The following PLEKHH2 variants were observed in gnomAD, a reference collection of about 807,000 sequenced individuals.
PLEKHH2 encodes the protein pleckstrin homology, MyTH4 and FERM domain containing H2.
Under a neutral mutation model 187.9 loss-of-function variants are expected in PLEKHH2, and 129 were observed. That is an observed-to-expected ratio of 0.69 (90% CI 0.59 to 0.79). The LOEUF (loss-of-function observed/expected upper bound fraction) is 0.79, where lower values mean the gene tolerates loss of function less well. Among genes scored for constraint, PLEKHH2 ranks in the 30% least tolerant of loss-of-function variants. The pLI, the probability that PLEKHH2 is intolerant of heterozygous loss-of-function variation, is 0.00. For synonymous variants in PLEKHH2, 686 were observed against 605.6 expected, an observed-to-expected ratio of 1.13 and a Z score of -1.95; for missense variants, 2,076 against 1,751.2, an observed-to-expected ratio of 1.19 and a Z score of -3.31.
At chr2:43,638,734 A>G (rs996545498) in intron 1 of PLEKHH2, among the ~76,000 whole-genome samples, 2 of 152,190 alleles carry the variant, frequency 1.3e-5, no homozygotes, top group African/African-American at 4.8e-5. Flanking sequence ...TGGTAATGAA[A>G]AGGATGGCGG....
At chr2:43,693,441 A>G (rs1668921192) in intron 4 of PLEKHH2, among the ~76,000 whole-genome samples, 1 of 152,200 alleles carries the variant, frequency 6.6e-6, no homozygotes, top group Admixed American at 6.5e-5. Flanking sequence ...CAAGTAATCT[A>G]GTTTAAAAAA....
Position 43,743,821 on chromosome 2 carries a change from T to C in PLEKHH2, c.3400-13T>C. On this transcript the variant is annotated splice_polypyrimidine_tract_variant and intron_variant, in intron 22 of 29. Coordinates refer to ENST00000282406, the MANE Select transcript of PLEKHH2 (RefSeq NM_172069.4). ...TTTCTTATTAAGAGAACTGCTTTGTTATTTCTGTCTAGGTAGTTGGTTTTG... is the reference window on the plus strand; with the variant it reads ...TTTCTTATTAAGAGAACTGCTTTGTCATTTCTGTCTAGGTAGTTGGTTTTG... 6.2e-7 allele frequency: 1 copy of C among 1,606,274 alleles called. No homozygotes were observed. The highest frequency in any genetic ancestry group is 8.5e-7 in the Non-Finnish European group (1 of 1,173,978).
chr2:43,679,657 G>C lies in PLEKHH2; in HGVS notation c.186+732G>C, dbSNP rs563300619. 2.2e-5 allele frequency: 5 copies of C among 223,708 alleles called. No individual in the cohort carries two copies. In the South Asian group the frequency reaches 2.3e-4, roughly 11 times the overall value. 13.9% of individuals were successfully genotyped at this position (223,708 alleles called of 1,614,324 possible). On this transcript the variant is annotated intron_variant, in intron 3 of 29. Transcript: ENST00000282406. ...ATTACAGGTGCGCACCACCATACCC[G>C]GCTAATTTTTATATTGTTAGTAGAG...
chr2:43,659,155 AT>A (rs997122089), intron 2 of PLEKHH2, among the ~76,000 whole-genome samples: 4 of 142,796 alleles, frequency 2.8e-5, no homozygotes, highest in African/African-American at 1.1e-4. Flanking sequence ...GTATATATAT[AT>A]TTTTTTCTTT....
intron 5 of PLEKHH2, among the ~76,000 whole-genome samples, chr2:43,694,848 C>A (rs1470750337): frequency 6.6e-6 from 1 of 152,106 alleles, no homozygotes; most frequent in Non-Finnish European, 1.5e-5. Context: ...GTTTTCATTT[C>A]TATGGCAGTT....
chr2:43,715,585 AG>A (rs1041340594), intron 15 of PLEKHH2, among the ~76,000 whole-genome samples: 2 of 152,214 alleles, frequency 1.3e-5, no homozygotes, highest in Admixed American at 1.3e-4. Flanking sequence ...AAGGGGTTAC[AG>A]GAAAAGAGAG....
rs564045286 is a variant in PLEKHH2 at position 43,738,642 on chromosome 2, T to C, written c.3123+122T>C. ...CAAAAAGTGCAGAAGGAAAAATAGG[T>C]ATTAATATTTTGATGTCTACCTTTT... On this transcript the variant is annotated intron_variant, in intron 20 of 29. Coordinates refer to ENST00000282406, the MANE Select transcript of PLEKHH2 (RefSeq NM_172069.4). 8.6e-6 allele frequency: 8 copies of C among 930,412 alleles called. No individual in the cohort carries two copies. The Admixed American group carries it at 2.1e-4, about 25-fold the overall frequency. 57.6% of individuals were successfully genotyped at this position (930,412 alleles called of 1,614,324 possible).
chr2:43,764,183 G>T, intron 28 of PLEKHH2, 45 bp from the exon 29 acceptor site: 3 of 1,158,488 alleles, frequency 2.6e-6, no homozygotes, highest in South Asian at 2.9e-5. Context: ...ATCTCTCCTT[G>T]GAAGTAAGAG....
chr2:43,726,174 T>A, intron 16 of PLEKHH2, 98 bp from the exon 17 acceptor site: 2 of 804,638 alleles, frequency 2.5e-6, no homozygotes, highest in Non-Finnish European at 3.7e-6. Flanking sequence ...TTTTTAAAGG[T>A]ATGCTTTATA....
rs1553353583 is a variant in PLEKHH2, at chr2:43,753,605, C to CG, written c.3654-14_3654-13insG. On this transcript the variant is annotated splice_polypyrimidine_tract_variant and intron_variant, in intron 24 of 29. Transcript: ENST00000282406. ...AATATAATTTAATGAGAAATTTACT[C>CG]TTTTTTTTTACAGACTATATTTCTC... The CG allele has an allele frequency of 4.6e-6, 6 of 1,309,176 alleles. No homozygotes were observed. The African/African-American group carries it at 7.7e-5, about 17-fold the overall frequency. The allele number at this position is 1,309,176 out of a possible 1,614,324, so 81.1% of individuals were successfully genotyped here.
intron 2 of PLEKHH2, among the ~76,000 whole-genome samples, chr2:43,645,705 C>T (rs1398938067): frequency 6.6e-6 from 1 of 151,506 alleles, no homozygotes; most frequent in African/African-American, 2.4e-5. Context: ...TTAATTTTAC[C>T]CACTTCTTTT....
rs1335559126 is a variant in PLEKHH2, at chr2:43,710,246, A to T, written c.2130A>T (p.Leu710Phe). The T allele has an allele frequency of 1.2e-6, 2 of 1,614,162 alleles. No individual in the cohort carries two copies. The highest frequency in any genetic ancestry group is 1.7e-5 in the Admixed American group (1 of 60,018). Residue 710 changes from leucine (L) to phenylalanine (F), a missense_variant, in exon 13 of 30, where the codon TTA (leucine) becomes TTT (phenylalanine). Leu to Phe is a conservative substitution (Grantham distance 22). Coordinates refer to ENST00000282406, the MANE Select transcript of PLEKHH2 (RefSeq NM_172069.4). ...AACCACTGGAAAAATCTGGTTATTT[A>T]TTAAAAATGAGTGGTAAAGTCAAGT... ...KNEPLEKSGYLLKMSGKVKSW... is the reference protein window; with the variant it reads ...KNEPLEKSGYFLKMSGKVKSW...
chr2:43,675,831 G>A, intron 2 of PLEKHH2: 4 of 1,613,982 alleles, frequency 2.5e-6, no homozygotes, highest in Non-Finnish European at 3.4e-6. Context: ...CCAGATAGAA[G>A]GGCTGGGATG....
At chr2:43,693,627 C>T (rs111339772) in intron 4 of PLEKHH2, among the ~76,000 whole-genome samples, 5 of 147,066 alleles carry the variant, frequency 3.4e-5, no homozygotes, top group East Asian at 2.0e-4. Context: ...GGGAGGCTGA[C>T]GCAGGAGAGC....
chr2:43,758,910 C>A lies in PLEKHH2; in HGVS notation c.3952C>A (p.Gln1318Lys). The change falls in exon 27 of 30, where the codon CAG becomes AAG. Residue 1318 changes from glutamine to lysine, a missense_variant. Coordinates refer to ENST00000282406, the MANE Select transcript of PLEKHH2 (RefSeq NM_172069.4). ...TTTCTTTTTTTTTAGGCAGCTTTGCCAGCGACTTTCAACCAGATGGATGGC... is the reference window on the plus strand; with the variant it reads ...TTTCTTTTTTTTTAGGCAGCTTTGCAAGCGACTTTCAACCAGATGGATGGC... ...CSEEQLRQLC[Q>K]RLSTRWMALR... is the part of the protein sequence containing the mutation. 1 of 1,574,188 alleles carries A rather than the reference C, an allele frequency of 6.4e-7. No individual in the cohort carries two copies. The highest frequency in any genetic ancestry group is 8.6e-7 in the Non-Finnish European group (1 of 1,158,988).
intron 2 of PLEKHH2, among the ~76,000 whole-genome samples, chr2:43,677,044 T>C (rs1558465056): frequency 6.6e-6 from 1 of 152,220 alleles, no homozygotes. Flanking sequence ...TATTGATGAA[T>C]ACTCTTGAGG....
At chr2:43,735,341 T>C (rs1056459459) in intron 19 of PLEKHH2, among the ~76,000 whole-genome samples, 8 of 152,218 alleles carry the variant, frequency 5.3e-5, no homozygotes, top group African/African-American at 1.9e-4. Context: ...AAATATCTTA[T>C]GTTTTCACTC....
intron 17 of PLEKHH2, among the ~76,000 whole-genome samples, chr2:43,728,558 T>C (rs868755247): frequency 3.9e-4 from 50 of 129,338 alleles, no homozygotes; most frequent in Middle Eastern, 4.0e-3. Context: ...TTCAACACAA[T>C]ACTCTTTTTT....
intron 2 of PLEKHH2, among the ~76,000 whole-genome samples, chr2:43,653,165 C>A (rs973033308): frequency 6.6e-6 from 1 of 152,134 alleles, no homozygotes; most frequent in African/African-American, 2.4e-5. Context: ...TTGAAGCATA[C>A]AAGATTCCAA....
Sources: gnomAD v4.1 joint callset for allele counts (sites outside exome capture counted in the v4.1 genomes callset) on GRCh38, gnomAD v4.1.1 for gene constraint, MANE v1.5 for transcripts, NCBI Gene and HGNC (gene_info 2026-07-23, HGNC 2026-07-21) for gene names.